PRKCI: variants seen among roughly 807,000 people sequenced by gnomAD.
The protein encoded by PRKCI is protein kinase C iota type.
PRKCI carries 43 observed loss-of-function variants against 84.0 expected under a neutral mutation model. That is an observed-to-expected ratio of 0.51 (90% confidence interval 0.40 to 0.66). PRKCI has a LOEUF of 0.66. Among genes scored for constraint, PRKCI ranks in the 30% least tolerant of loss-of-function variants. The pLI is 0.00. For synonymous variants in PRKCI, 216 were observed against 234.4 expected, an observed-to-expected ratio of 0.92 and a Z score of 0.72; for missense variants, 459 against 745.6, an observed-to-expected ratio of 0.62 and a Z score of 4.48.
chr3:170,296,588 G>A (rs1438481719), intron 15 of PRKCI, among the ~76,000 whole-genome samples: 1 of 152,072 alleles, frequency 6.6e-6, no homozygotes, highest in African/African-American at 2.4e-5. Context: ...TGATAGAAAA[G>A]TTGATGTACA....
chr3:170,243,192 T>C (rs969044967), intron 2 of PRKCI, among the ~76,000 whole-genome samples: 3 of 152,194 alleles, frequency 2.0e-5, no homozygotes, highest in Admixed American at 2.0e-4. Flanking sequence ...CCCAAATGTT[T>C]CCTTGTGCTA....
chr3:170,257,303 CACCTAGAATAAGG>C (rs1733607500), intron 2 of PRKCI, among the ~76,000 whole-genome samples: 1 of 152,106 alleles, frequency 6.6e-6, no homozygotes, highest in African/African-American at 2.4e-5. Context: ...CAAGAGAGAT[CACCTAGAATAAGG>C]ACTGAAAAGA....
chr3:170,254,434 T>A (rs1733533946), intron 2 of PRKCI, among the ~76,000 whole-genome samples: 1 of 152,208 alleles, frequency 6.6e-6, no homozygotes, highest in Non-Finnish European at 1.5e-5. Context: ...TTGCATAGTT[T>A]GAGGTTTTGG....
rs140551799 is a variant in PRKCI at position 170,271,989 on chromosome 3, A to G, written c.592-1297A>G. 1.4e-4 allele frequency among the ~76,000 whole-genome samples: 22 copies of G among 152,284 alleles called. No homozygotes were observed. The East Asian group carries it at 4.0e-3, about 28-fold the overall frequency. On this transcript the variant is annotated intron_variant, in intron 6 of 17. Transcript: ENST00000295797. ...GCTGGGATTACAGGTGTGTGCCACC[A>G]TGCCCAGCTAATTTTTGTATTTTCA...
At chr3:170,281,357 T>C (rs1734239811) in intron 10 of PRKCI, 94 bp downstream of exon 10, 2 of 958,738 alleles carry the variant, frequency 2.1e-6, no homozygotes, top group African/African-American at 1.6e-5. Context: ...ATGAAGTTGA[T>C]ATCATGGAGG....
chr3:170,233,789 C>T (rs1313297761), intron 1 of PRKCI, among the ~76,000 whole-genome samples: 1 of 151,538 alleles, frequency 6.6e-6, no homozygotes, highest in South Asian at 2.1e-4. Flanking sequence ...GACGCAATCA[C>T]GGCTCACTGC....
At chr3:170,294,699 A>AT (rs1191804988) in intron 14 of PRKCI, among the ~76,000 whole-genome samples, 7 of 152,158 alleles carry the variant, frequency 4.6e-5, no homozygotes, top group Non-Finnish European at 8.8e-5. Flanking sequence ...CCTATGAAGT[A>AT]TTTTTTTATT....
At chr3:170,241,697 G>A (rs997309994) in intron 2 of PRKCI, among the ~76,000 whole-genome samples, 46 of 149,064 alleles carry the variant, frequency 3.1e-4, no homozygotes, top group African/African-American at 1.2e-3. Flanking sequence ...GAGAGAAAAG[G>A]CCTCACTCTG....
chr3:170,261,871 G>A (rs1264634676), intron 3 of PRKCI, among the ~76,000 whole-genome samples: 2 of 152,152 alleles, frequency 1.3e-5, no homozygotes, highest in Non-Finnish European at 2.9e-5. Context: ...AGCTTTAAGA[G>A]TCTATTTTTT....
At chr3:170,245,628 G>A (rs1015630373) in intron 2 of PRKCI, among the ~76,000 whole-genome samples, 4 of 151,990 alleles carry the variant, frequency 2.6e-5, no homozygotes, top group African/African-American at 7.3e-5. Context: ...CTGTTCACAC[G>A]GGATACACTT....
intron 2 of PRKCI, among the ~76,000 whole-genome samples, chr3:170,238,200 T>C (rs1019425320): frequency 6.6e-6 from 1 of 152,062 alleles, no homozygotes; most frequent in Non-Finnish European, 1.5e-5. Flanking sequence ...CCATCTCTAC[T>C]GAAAATAGAA....
chr3:170,274,937 AG>A (rs1395729959), intron 7 of PRKCI, among the ~76,000 whole-genome samples: 1 of 152,170 alleles, frequency 6.6e-6, no homozygotes, highest in African/African-American at 2.4e-5. Flanking sequence ...TGTAAAGAAG[AG>A]AAATGTTTTA....
chr3:170,256,388 T>C (rs1045157065), intron 2 of PRKCI, among the ~76,000 whole-genome samples: 1 of 152,198 alleles, frequency 6.6e-6, no homozygotes, highest in African/African-American at 2.4e-5. Context: ...TTCTTCATGG[T>C]TCAATCTTGG....
intron 2 of PRKCI, among the ~76,000 whole-genome samples, chr3:170,252,555 G>C (rs1733479918): frequency 6.6e-6 from 1 of 150,894 alleles, no homozygotes; most frequent in Non-Finnish European, 1.5e-5. Flanking sequence ...TAATTACCCT[G>C]TTGTGCTATC....
chr3:170,235,003 C>G (rs1205473134), intron 1 of PRKCI, among the ~76,000 whole-genome samples: 2 of 151,882 alleles, frequency 1.3e-5, no homozygotes, highest in Non-Finnish European at 2.9e-5. Context: ...TGGTCTTGAG[C>G]TCCTGGGCTA....
At chr3:170,225,042 C>A (rs986388667) in intron 1 of PRKCI, among the ~76,000 whole-genome samples, 3 of 152,096 alleles carry the variant, frequency 2.0e-5, no homozygotes, top group Admixed American at 1.3e-4. Context: ...GCTTATTGCT[C>A]CAGTTATTAA....
chr3:170,268,334 G>A lies in PRKCI; in HGVS notation c.450+334G>A, dbSNP rs558016282. Among the ~76,000 whole-genome samples the A allele has an allele frequency of 3.3e-5, 5 of 152,196 alleles. No homozygotes were observed. In the South Asian group the frequency reaches 6.2e-4, roughly 19 times the overall value. ...ATCTCTATTAAAAATACAAAAATTA[G>A]CCAGGTGCAGTCACATGCACCTGTA... On this transcript the variant is annotated intron_variant, in intron 5 of 17. Transcript: ENST00000295797.
intron 4 of PRKCI, among the ~76,000 whole-genome samples, chr3:170,263,738 AG>A (rs1239406239): frequency 1.3e-5 from 2 of 152,154 alleles, no homozygotes; most frequent in East Asian, 3.9e-4. Flanking sequence ...TTGAGGCTAC[AG>A]TGAGCCAAGG....
chr3:170,256,812 T>G (rs1733593231), intron 2 of PRKCI, among the ~76,000 whole-genome samples: 1 of 152,204 alleles, frequency 6.6e-6, no homozygotes, highest in Non-Finnish European at 1.5e-5. Context: ...TTGCTTGCTA[T>G]AAACTCACCT....
Sources: gnomAD v4.1 joint callset for allele counts (sites outside exome capture counted in the v4.1 genomes callset) on GRCh38, gnomAD v4.1.1 for gene constraint, MANE v1.5 for transcripts, NCBI Gene and HGNC (gene_info 2026-07-23, HGNC 2026-07-21) for gene names.